The following MFAP2 variants were observed in gnomAD, a reference collection of about 807,000 sequenced individuals.
MFAP2 encodes the protein microfibrillar-associated protein 2.
Under a neutral mutation model 30.6 loss-of-function variants are expected in MFAP2, and 23 were observed. The ratio of observed to expected loss-of-function variants is 0.75; its 90% CI spans 0.54 to 1.07. The LOEUF (loss-of-function observed/expected upper bound fraction) is 1.07, where lower values mean the gene tolerates loss of function less well. MFAP2 is among the 50% of genes least tolerant of loss of function. MFAP2 has a pLI of 0.00. For missense variants in MFAP2, 198 were observed against 223.8 expected (o/e 0.88, Z 0.74); for synonymous variants, 73 against 85.7 (o/e 0.85, Z 0.82).
At chr1:16,980,754 C>T (rs2076633142), upstream of MFAP2, 1 of 133,016 alleles carries the variant, frequency 7.5e-6, no homozygotes, top group Admixed American at 8.0e-5. Context: ...GCCGTGCCCT[C>T]GGGGTTCCAT....
chr1:16,975,811 G>A lies in MFAP2; in HGVS notation c.287-81C>T, dbSNP rs2076586139. 2 of 1,227,882 alleles carry A rather than the reference G, an allele frequency of 1.6e-6. No individual in the cohort carries two copies. The highest frequency in any genetic ancestry group is 1.2e-6 in the Non-Finnish European group (1 of 849,986). The allele number at this position is 1,227,882 out of a possible 1,614,324, so 76.1% of individuals were successfully genotyped here. ...CACCCACCTGAGGCTGGCTCACAGG[G>A]CCTAGTCCCCCCTGTACCTTCAGGC... On this transcript the variant is annotated intron_variant, in intron 6 of 8. Coordinates refer to ENST00000375535, the MANE Select transcript of MFAP2 (RefSeq NM_002403.4). The surrounding 1 kb of genome is among the most constrained non-coding windows in gnomAD (Gnocchi z 5.0).
chr1:16,976,612 T>C lies in MFAP2; in HGVS notation c.242-67A>G. On this transcript the variant is annotated intron_variant, in intron 5 of 8. Transcript: ENST00000375535. This position sits in a 1 kb window ranked among gnomAD's most constrained non-coding sequence, Gnocchi z 5.5. ...TCTCCTCAGGGCAAGGGGAGTCACC[T>C]CTCCCAGCCCTGGCAGACCCCCACT... The C allele has an allele frequency of 6.2e-7, 1 of 1,611,292 alleles. No individual in the cohort carries two copies.
chr1:16,978,183 C>A, intron 2 of MFAP2, 54 bp downstream of exon 2: 2 of 1,537,030 alleles, frequency 1.3e-6, no homozygotes, highest in East Asian at 4.8e-5. Flanking sequence ...CCTACTAACC[C>A]TACTCCTCAG....
In MFAP2 at chr1:16,977,101, G is replaced by A. The variant is rs946487793; in HGVS notation, c.127+8C>T. On this transcript the variant is annotated splice_region_variant and intron_variant, in intron 3 of 8. Transcript: ENST00000375535. The stretch of plus-strand genomic sequence containing the variant: ...AGCCAGGCCTCGGTGACCCGGCAAG[G>A]CCCTTACCGATCTGGTCGCTATAGT... 1.2e-6 allele frequency: 2 copies of A among 1,613,858 alleles called. No individual in the cohort carries two copies. The highest frequency in any genetic ancestry group is 1.3e-5 in the African/African-American group (1 of 75,036).
chr1:16,980,391 G>C (rs868034570), intron 1 of MFAP2, among the ~76,000 whole-genome samples, 196 bp downstream of exon 1: 1 of 151,548 alleles, frequency 6.6e-6, no homozygotes, highest in African/African-American at 2.4e-5. Context: ...CCCAATTCGC[G>C]TTCTCTCTGC....
chr1:16,975,107 G>T lies in MFAP2; in HGVS notation c.449-84C>A. The T allele has an allele frequency of 7.3e-7, 1 of 1,360,866 alleles. No homozygotes were observed. The highest frequency in any genetic ancestry group is 1.0e-6 in the Non-Finnish European group (1 of 972,470). The allele number at this position is 1,360,866 out of a possible 1,614,324, so 84.3% of individuals were successfully genotyped here. On this transcript the variant is annotated intron_variant, in intron 8 of 8. Transcript: ENST00000375535. The surrounding 1 kb of genome is among the most constrained non-coding windows in gnomAD (Gnocchi z 5.0). ...CCCTCCCCCAACTCTGGTGATGGGAGTGTTTTGAGGATGAAAAGTAGCAAG... is the reference window on the plus strand; with the variant it reads ...CCCTCCCCCAACTCTGGTGATGGGATTGTTTTGAGGATGAAAAGTAGCAAG...
chr1:16,978,206 G>A (rs1302931063), intron 2 of MFAP2, 31 bp downstream of exon 2: 2 of 1,558,730 alleles, frequency 1.3e-6, no homozygotes, highest in Non-Finnish European at 1.7e-6. Flanking sequence ...CCACATAAGA[G>A]GAGCTACCCC....
At position 16,977,156 on chromosome 1, in the gene MFAP2, G is replaced by T; in HGVS notation, c.80C>A (p.Pro27Gln). The change falls in exon 3 of 9, where the codon CCG (proline) becomes CAG (glutamine). Residue 27 changes from proline to glutamine, a missense_variant. By Grantham distance (76) the Pro-to-Gln change is moderately conservative (BLOSUM62 -1). Transcript: ENST00000375535. ...AQGQYDLDPL[P>Q]PFPDHVQYTH... ...GTACTGGACGTGGTCAGGGAACGGCGGCAGCGGGTCCAGGTCATACTGGCC... is the reference window on the plus strand; with the variant it reads ...GTACTGGACGTGGTCAGGGAACGGCTGCAGCGGGTCCAGGTCATACTGGCC... The T allele has an allele frequency of 6.2e-7, 1 of 1,613,438 alleles. No individual in the cohort carries two copies. The highest frequency in any genetic ancestry group is 1.3e-5 in the African/African-American group (1 of 75,048).
Position 16,975,573 on chromosome 1 carries a change from G to A in MFAP2, c.374+70C>T. The A allele has an allele frequency of 6.6e-7, 1 of 1,504,856 alleles. No homozygotes were observed. The highest frequency in any genetic ancestry group is 9.2e-7 in the Non-Finnish European group (1 of 1,087,706). The allele number at this position is 1,504,856 out of a possible 1,614,324, so 93.2% of individuals were successfully genotyped here. A position where few individuals can be genotyped will look rare whatever the true frequency, so the allele number is the denominator to read the frequency against. On this transcript the variant is annotated intron_variant, in intron 7 of 8. Transcript: ENST00000375535. This position sits in a 1 kb window ranked among gnomAD's most constrained non-coding sequence, Gnocchi z 5.0. The stretch of plus-strand genomic sequence containing the variant: ...CTCCAACTCCCACCTTGGCGGGCCA[G>A]AGCTGTCCCCTGTGCCCTCTAGCCC...
Position 16,975,408 on chromosome 1 carries a change from CAGA to C in MFAP2, c.375-69_375-67del. 3 of 1,038,202 alleles carry C rather than the reference CAGA, an allele frequency of 2.9e-6. No homozygotes were observed. The highest frequency in any genetic ancestry group is 3.7e-6 in the Non-Finnish European group (3 of 818,392). The allele number at this position is 1,038,202 out of a possible 1,614,324, so 64.3% of individuals were successfully genotyped here. A position where few individuals can be genotyped will look rare whatever the true frequency, so the allele number is the denominator to read the frequency against. ...CCCAATCCCACTGGGATAGCCCAGACAGAACCTGGCACGGGAGCCCGGACAGAA... is the reference window on the plus strand; with the variant it reads ...CCCAATCCCACTGGGATAGCCCAGACACCTGGCACGGGAGCCCGGACAGAA... On this transcript the variant is annotated intron_variant, in intron 7 of 8. Coordinates refer to ENST00000375535, the MANE Select transcript of MFAP2 (RefSeq NM_002403.4). This position sits in a 1 kb window ranked among gnomAD's most constrained non-coding sequence, Gnocchi z 5.0.
At chr1:16,980,275 C>CT (rs1428295928) in intron 1 of MFAP2, among the ~76,000 whole-genome samples, 2 of 136,022 alleles carry the variant, frequency 1.5e-5, no homozygotes, top group Non-Finnish European at 3.2e-5. Flanking sequence ...GGACCCCCCC[C>CT]CCCCACCCCA....
chr1:16,978,293 G>A lies in MFAP2; in HGVS notation c.-20C>T, dbSNP rs1354494287. The stretch of plus-strand genomic sequence containing the variant: ...TCTCATGGCAACAAAGAGGCAGGCC[G>A]GGGTGGTGTCAGAGAGGACAGCTGG... On this transcript the variant is annotated 5_prime_UTR_variant, in exon 2 of 9. Coordinates refer to ENST00000375535, the MANE Select transcript of MFAP2 (RefSeq NM_002403.4). 26 of 1,571,610 alleles carry A rather than the reference G, an allele frequency of 1.7e-5. No individual in the cohort carries two copies. The highest frequency in any genetic ancestry group is 3.3e-4 in the Middle Eastern group (2 of 6,016).
chr1:16,978,289 G>T lies in MFAP2; in HGVS notation c.-16C>A. ...CAGCTCTCATGGCAACAAAGAGGCA[G>T]GCCGGGGTGGTGTCAGAGAGGACAG... is the stretch of plus-strand genomic sequence containing the variant. On this transcript the variant is annotated 5_prime_UTR_variant, in exon 2 of 9. In the 5' UTR this introduces an upstream ATG that the reference lacks. Transcript: ENST00000375535. 6.4e-7 allele frequency: 1 copy of T among 1,572,698 alleles called. No individual in the cohort carries two copies.
Position 16,976,991 on chromosome 1 carries a change from G to C in MFAP2, c.128-68C>G. On this transcript the variant is annotated intron_variant, in intron 3 of 8. Transcript: ENST00000375535. This position sits in a 1 kb window ranked among gnomAD's most constrained non-coding sequence, Gnocchi z 5.5. ...ATCCCCCAGCCCCTGGGGCAAACAA[G>C]TTCCCTCCTGAGCCAGGGACCAACC... The C allele has an allele frequency of 8.7e-6, 14 of 1,613,540 alleles. No homozygotes were observed. The highest frequency in any genetic ancestry group is 1.2e-5 in the Non-Finnish European group (14 of 1,179,564).
Position 16,975,107 on chromosome 1 carries a change from G to A in MFAP2, c.449-84C>T. On this transcript the variant is annotated intron_variant, in intron 8 of 8. Coordinates refer to ENST00000375535, the MANE Select transcript of MFAP2 (RefSeq NM_002403.4). This position sits in a 1 kb window ranked among gnomAD's most constrained non-coding sequence, Gnocchi z 5.0. ...CCCTCCCCCAACTCTGGTGATGGGAGTGTTTTGAGGATGAAAAGTAGCAAG... is the reference window on the plus strand; with the variant it reads ...CCCTCCCCCAACTCTGGTGATGGGAATGTTTTGAGGATGAAAAGTAGCAAG... 1 of 1,360,866 alleles carries A rather than the reference G, an allele frequency of 7.3e-7. No homozygotes were observed. The highest frequency in any genetic ancestry group is 1.2e-5 in the South Asian group (1 of 80,414). 84.3% of individuals were successfully genotyped at this position (1,360,866 alleles called of 1,614,324 possible).
Position 16,977,146 on chromosome 1 carries a change from A to C in MFAP2, c.90T>G (p.Pro30=), listed in dbSNP as rs1213053849. 1 of 1,613,740 alleles carries C rather than the reference A, an allele frequency of 6.2e-7. No individual in the cohort carries two copies. The highest frequency in any genetic ancestry group is 1.3e-5 in the African/African-American group (1 of 74,928). Residue 30 remains proline (P), a synonymous_variant, in exon 3 of 9, where the codon CCT becomes CCG. Transcript: ENST00000375535. ...TATAGTGGGTGTACTGGACGTGGTC[A>C]GGGAACGGCGGCAGCGGGTCCAGGT... is the stretch of plus-strand genomic sequence containing the variant. ...QYDLDPLPPF[P]DHVQYTHYSD...
chr1:16,980,589 G>A lies in MFAP2; in HGVS notation c.-44C>T, dbSNP rs1464663089. 6.6e-6 allele frequency: 1 copy of A among 151,674 alleles called. No individual in the cohort carries two copies. Among genetic ancestry groups the A allele is most frequent in the Non-Finnish European group, 1.5e-5 (1 of 68,094 alleles). The allele number at this position is 151,674 out of a possible 1,614,324, so 9.4% of individuals were successfully genotyped here. A position where few individuals can be genotyped will look rare whatever the true frequency, so the allele number is the denominator to read the frequency against. The stretch of plus-strand genomic sequence containing the variant: ...CCAAGCGCCAGGCCCGCGCCTACCT[G>A]TCCGGGTCACTCCGCCGCCCGCTCC... On this transcript the variant is annotated splice_region_variant and 5_prime_UTR_variant, in exon 1 of 9. Transcript: ENST00000375535.
rs1358181964 is a variant in MFAP2 at position 16,976,104 on chromosome 1, A to C, written c.287-374T>G. 2.2e-6 allele frequency: 1 copy of C among 464,566 alleles called. No individual in the cohort carries two copies. The highest frequency in any genetic ancestry group is 3.9e-6 in the Non-Finnish European group (1 of 254,160). The allele number at this position is 464,566 out of a possible 1,614,324, so 28.8% of individuals were successfully genotyped here. A position where few individuals can be genotyped will look rare whatever the true frequency, so the allele number is the denominator to read the frequency against. The stretch of plus-strand genomic sequence containing the variant: ...CACACGGATTCTCCTGCACACACAC[A>C]CCTTGTTCTTTCAAGCTCTCAGCTA... On this transcript the variant is annotated intron_variant, in intron 6 of 8. Transcript: ENST00000375535. This position sits in a 1 kb window ranked among gnomAD's most constrained non-coding sequence, Gnocchi z 5.5.
At chr1:16,980,272 C>G in intron 1 of MFAP2, among the ~76,000 whole-genome samples, 1 of 134,344 alleles carries the variant, frequency 7.4e-6, no homozygotes. Flanking sequence ...ACCGGACCCC[C>G]CCCCCCCACC....
Sources: allele counts gnomAD v4.1 joint callset (sites outside exome capture counted in the v4.1 genomes callset), GRCh38; gene constraint gnomAD v4.1.1; non-coding constraint Gnocchi (gnomAD v3.1); transcripts MANE v1.5; gene names NCBI Gene and HGNC (gene_info 2026-07-23, HGNC 2026-07-21).